The following TNXB variants were observed in gnomAD, a reference collection of about 807,000 sequenced individuals.
The protein encoded by TNXB is tenascin-X.
In TNXB, 183 loss-of-function variants were observed where a neutral mutation model predicts 340.5. The ratio of observed to expected loss-of-function variants is 0.54; its 90% CI spans 0.48 to 0.61. The LOEUF is 0.61. Ranked by LOEUF, TNXB falls within the 20% of genes least tolerant of loss-of-function variation. TNXB has a pLI of 0.00. For missense variants in TNXB, 4,613 were observed against 5,446.4 expected, an observed-to-expected ratio of 0.85 and a Z score of 4.82; for synonymous variants, 2,121 against 2,314.5, an observed-to-expected ratio of 0.92 and a Z score of 2.40.
Position 32,068,409 on chromosome 6 carries a change from C to T in TNXB, c.6201G>A (p.Val2067=), listed in dbSNP as rs1778528622. 3 of 1,613,718 alleles carry T rather than the reference C, an allele frequency of 1.9e-6. No homozygotes were observed. The highest frequency in any genetic ancestry group is 1.3e-5 in the African/African-American group (1 of 74,948). ...GFHGGQRMGP[V]SVVGVTAAEE... ...ACTCACCTGTCACCCCGACGACAGA[C>T]ACAGGGCCCATGCGCTGGCCACCGT... Residue 2067 remains valine (V), a synonymous_variant, in exon 17 of 44, where the codon GTG becomes GTA. Transcript: ENST00000644971. The surrounding 1 kb of genome is among the most constrained non-coding windows in gnomAD (Gnocchi z 5.3).
At chr6:32,076,696 A>G (rs1262210931) in intron 11 of TNXB, among the ~76,000 whole-genome samples, 3 of 152,188 alleles carry the variant, frequency 2.0e-5, no homozygotes, top group African/African-American at 4.8e-5. Flanking sequence ...AAGATCATAC[A>G]GCTGGCTGGG....
chr6:32,055,835 A>T lies in TNXB; in HGVS notation c.8467+16T>A. The T allele has an allele frequency of 6.3e-7, 1 of 1,597,164 alleles. No homozygotes were observed. The highest frequency in any genetic ancestry group is 8.6e-7 in the Non-Finnish European group (1 of 1,167,844). ...AACATCTTCTAGGGCCATCTTCCTCACTCACAAACACTCACCTGTCACACC... is the reference window on the plus strand; with the variant it reads ...AACATCTTCTAGGGCCATCTTCCTCTCTCACAAACACTCACCTGTCACACC... On this transcript the variant is annotated intron_variant, in intron 24 of 43. Transcript: ENST00000644971.
rs1779346805 is a variant in TNXB, at chr6:32,080,027, G to A, written c.4043-662C>T. Reference sequence around the variant, plus strand: ...CCCTTCTGTGACCTGCTACATGGGGGACTACTTTGGGATAGCAGATTGAGG... The same window carrying A: ...CCCTTCTGTGACCTGCTACATGGGGAACTACTTTGGGATAGCAGATTGAGG... On this transcript the variant is annotated intron_variant, in intron 10 of 43. Coordinates refer to ENST00000644971, the MANE Select transcript of TNXB (RefSeq NM_001365276.2). This position sits in a 1 kb window ranked among gnomAD's most constrained non-coding sequence, Gnocchi z 4.3. Among the ~76,000 whole-genome samples the A allele has an allele frequency of 6.6e-6, 1 of 152,300 alleles. No individual in the cohort carries two copies. The highest frequency in any genetic ancestry group is 2.1e-4 in the South Asian group (1 of 4,820).
rs1779383118 is a variant in TNXB at position 32,080,782 on chromosome 6, G to GAGGGAAAGGCTGGGGACATGT, written c.4042+585_4042+586insACATGTCCCCAGCCTTTCCCT. ...TGGACAGGGAAAGGCTGGGGACATG[G>GAGGGAAAGGCTGGGGACATGT]AGGAACAGGCTGGGATGCTGGGCTG... is the stretch of plus-strand genomic sequence containing the variant. On this transcript the variant is annotated intron_variant, in intron 10 of 43. Coordinates refer to ENST00000644971, the MANE Select transcript of TNXB (RefSeq NM_001365276.2). This position sits in a 1 kb window ranked among gnomAD's most constrained non-coding sequence, Gnocchi z 4.3. Among the ~76,000 whole-genome samples the GAGGGAAAGGCTGGGGACATGT allele has an allele frequency of 6.6e-6, 1 of 152,194 alleles. No homozygotes were observed. The highest frequency in any genetic ancestry group is 1.5e-5 in the Non-Finnish European group (1 of 68,038).
rs1031564088 is a variant in TNXB, at chr6:32,053,066, C to A, written c.8792-73G>T. On this transcript the variant is annotated intron_variant, in intron 25 of 43. Coordinates refer to ENST00000644971, the MANE Select transcript of TNXB (RefSeq NM_001365276.2). ...CCTTGGGTCTTGTGAGGAAGGAGAGCGAAGCTGTGGCCATGAGTGGGGGTC... is the reference window on the plus strand; with the variant it reads ...CCTTGGGTCTTGTGAGGAAGGAGAGAGAAGCTGTGGCCATGAGTGGGGGTC... 8 of 1,507,600 alleles carry A rather than the reference C, an allele frequency of 5.3e-6. No individual in the cohort carries two copies. In the South Asian group the frequency reaches 7.4e-5, roughly 14 times the overall value. The allele number at this position is 1,507,600 out of a possible 1,614,324, so 93.4% of individuals were successfully genotyped here.
intron 1 of TNXB, among the ~76,000 whole-genome samples, chr6:32,099,226 T>C (rs75316961): frequency 0.055 from 6,490 of 117,998 alleles, 218 homozygotes; most frequent in East Asian, 0.14. Context: ...CTTCTCCCTC[T>C]CTCTCTCACT....
Position 32,055,152 on chromosome 6 carries a change from C to T in TNXB, c.8467+699G>A, listed in dbSNP as rs116717571. 3.5e-3 allele frequency among the ~76,000 whole-genome samples: 535 copies of T among 152,262 alleles called. 1 individual carries two copies. Among genetic ancestry groups the T allele is most frequent in the South Asian group, 0.012 (58 of 4,818 alleles). On this transcript the variant is annotated intron_variant, in intron 24 of 43. Transcript: ENST00000644971. ...TAGGGTTATCCCTTCTTCCTGACAGCGTCTAATAAAGAGCAAAACCTTGCT... is the reference window on the plus strand; with the variant it reads ...TAGGGTTATCCCTTCTTCCTGACAGTGTCTAATAAAGAGCAAAACCTTGCT...
rs204877 is a variant in TNXB, at chr6:32,079,659, C to G, written c.4043-294G>C. On this transcript the variant is annotated intron_variant, in intron 10 of 43. Coordinates refer to ENST00000644971, the MANE Select transcript of TNXB (RefSeq NM_001365276.2). This position sits in a 1 kb window ranked among gnomAD's most constrained non-coding sequence, Gnocchi z 7.1. The stretch of plus-strand genomic sequence containing the variant: ...GTTCACTGACAGTGCTGACCTCAGA[C>G]AGTGAGGAGGGCAGTGAGGCCTCTT... Among the ~76,000 whole-genome samples, 23,121 of 152,174 alleles carry G rather than the reference C, an allele frequency of 0.15. 2,325 individuals are homozygous for G. The highest frequency in any genetic ancestry group is 0.3 in the South Asian group (1,430 of 4,822).
At position 32,077,075 on chromosome 6, in the gene TNXB, A is replaced by G. The variant is rs191209323; in HGVS notation, c.4375+1958T>C. On this transcript the variant is annotated intron_variant, in intron 11 of 43. Coordinates refer to ENST00000644971, the MANE Select transcript of TNXB (RefSeq NM_001365276.2). ...TCAGTTTGTCAGATTCCCAAACTCCATTTATCTCTACTGCACCGACTTGGT... is the reference window on the plus strand; with the variant it reads ...TCAGTTTGTCAGATTCCCAAACTCCGTTTATCTCTACTGCACCGACTTGGT... Among the ~76,000 whole-genome samples the G allele has an allele frequency of 3.3e-4, 51 of 152,280 alleles. 1 individual carries two copies. In the East Asian group the frequency reaches 8.7e-3, roughly 26 times the overall value.
In TNXB at chr6:32,081,458, CG is replaced by C; in HGVS notation, c.3951del (p.Gly1318AlafsTer10). On this transcript the variant is annotated frameshift_variant, in exon 10 of 44. Transcript: ENST00000644971. LOFTEE classifies it high-confidence loss of function. The surrounding 1 kb of genome is among the most constrained non-coding windows in gnomAD (Gnocchi z 5.1). ...TTATACTTCCGGTCGGGATCCAGGCCGGGGACAGTAACCTCATTCTCATCCC... is the reference window on the plus strand; with the variant it reads ...TTATACTTCCGGTCGGGATCCAGGCCGGGACAGTAACCTCATTCTCATCCC... ...VAGDENEVTV[P>X]GLDPDRKYKM... 2 of 1,591,700 alleles carry C rather than the reference CG, an allele frequency of 1.3e-6. No individual in the cohort carries two copies. Among genetic ancestry groups the C allele is most frequent in the South Asian group, 1.1e-5 (1 of 87,442 alleles).
chr6:32,049,627 C>A lies in TNXB; in HGVS notation c.9440-40G>T. 1 of 1,588,050 alleles carries A rather than the reference C, an allele frequency of 6.3e-7. No individual in the cohort carries two copies. Among genetic ancestry groups the A allele is most frequent in the South Asian group, 1.1e-5 (1 of 89,274 alleles). ...GAGGGAGAGAGAGTGAGGGGGATGT[C>A]CTTGGGTCCTGGGGAAAAGGAGGGA... On this transcript the variant is annotated intron_variant, in intron 27 of 43. Coordinates refer to ENST00000644971, the MANE Select transcript of TNXB (RefSeq NM_001365276.2). The surrounding 1 kb of genome is among the most constrained non-coding windows in gnomAD (Gnocchi z 4.5).
chr6:32,053,270 C>A (rs1777406651), intron 25 of TNXB, 118 bp downstream of exon 25: 1 of 1,468,590 alleles, frequency 6.8e-7, no homozygotes, highest in South Asian at 1.3e-5. Flanking sequence ...TGGGGAAAGA[C>A]AAAAAAGTAC....
At chr6:32,077,192 A>C (rs1172132112) in intron 11 of TNXB, among the ~76,000 whole-genome samples, 2 of 152,098 alleles carry the variant, frequency 1.3e-5, no homozygotes, top group Non-Finnish European at 2.9e-5. Context: ...CGGCAGAGGG[A>C]GGGTCACTCC....
At chr6:32,066,678 TG>T (rs1029354267) in intron 18 of TNXB, among the ~76,000 whole-genome samples, 2 of 152,230 alleles carry the variant, frequency 1.3e-5, no homozygotes, top group African/African-American at 4.8e-5. Flanking sequence ...ATCGTGGTGA[TG>T]GCTGCACAAG....
In TNXB at chr6:32,079,297, C is replaced by T. The variant is rs760334908; in HGVS notation, c.4111G>A (p.Glu1371Lys). ...GTCAGCTCCCCCAGGAGCGGCTCCT[C>T]GGGGGACTCCGGGGCCTCCGTGCCC... is the stretch of plus-strand genomic sequence containing the variant. Reference protein sequence around the residue: ...ELGTEAPESPEEPLLGELTVT... With the variant: ...ELGTEAPESPKEPLLGELTVT... Residue 1371 changes from glutamate (E) to lysine (K), a missense_variant, in exon 11 of 44, where the codon GAG (glutamate) becomes AAG (lysine). Around this residue, in one of 7 missense-constraint regions of TNXB, gnomAD observed 4,327 missense variants for 4,859.4 expected, o/e 0.89. Coordinates refer to ENST00000644971, the MANE Select transcript of TNXB (RefSeq NM_001365276.2). The surrounding 1 kb of genome is among the most constrained non-coding windows in gnomAD (Gnocchi z 7.1). 9.7e-5 allele frequency: 157 copies of T among 1,612,724 alleles called. No homozygotes were observed. Among genetic ancestry groups the T allele is most frequent in the Non-Finnish European group, 1.2e-4 (146 of 1,179,786 alleles).
chr6:32,096,391 T>G lies in TNXB; in HGVS notation c.1462A>C (p.Thr488Pro). ...SGRCMCWPGY[T>P]GRDCGTRACP... Reference sequence around the variant, plus strand: ...GCGCGCGTGCCGCAGTCCCGGCCTGTGTACCCCGGCCAACACATGCAGCGG... The same window carrying G: ...GCGCGCGTGCCGCAGTCCCGGCCTGGGTACCCCGGCCAACACATGCAGCGG... Residue 488 changes from threonine (T) to proline (P), a missense_variant, in exon 3 of 44, where the codon ACA becomes CCA. Thr to Pro is a conservative substitution (Grantham distance 38). This residue lies in a region of TNXB where 4,327 missense variants were observed against 4,859.4 expected (regional missense o/e 0.89). Transcript: ENST00000644971. 1.3e-6 allele frequency: 2 copies of G among 1,572,420 alleles called. No homozygotes were observed. The highest frequency in any genetic ancestry group is 1.7e-6 in the Non-Finnish European group (2 of 1,166,996).
intron 1 of TNXB, among the ~76,000 whole-genome samples, chr6:32,105,474 T>C (rs1293189823): frequency 6.6e-6 from 1 of 152,238 alleles, no homozygotes; most frequent in African/African-American, 2.4e-5. Context: ...AGGGCAGGCA[T>C]GGCACCTATT....
At position 32,043,764 on chromosome 6, in the gene TNXB, C is replaced by T. The variant is rs561108689; in HGVS notation, c.11515G>A (p.Gly3839Ser). 5.0e-6 allele frequency: 8 copies of T among 1,613,394 alleles called. No individual in the cohort carries two copies. The South Asian group carries it at 8.8e-5, about 18-fold the overall frequency. Reference sequence around the variant, plus strand: ...TCCATCTCACCCGTGGTGAGGAAGCCTGTGAGAGGCTCACTCTCCTCAAAG... The same window carrying T: ...TCCATCTCACCCGTGGTGAGGAAGCTTGTGAGAGGCTCACTCTCCTCAAAG... Reference protein sequence around the residue: ...RGFEESEPLTGFLTTVPDGPT... With the variant: ...RGFEESEPLTSFLTTVPDGPT... Residue 3839 changes from glycine to serine, a missense_variant, in exon 35 of 44, where the codon GGC (glycine) becomes AGC (serine). Gly to Ser is a moderately conservative substitution (Grantham distance 56, BLOSUM62 0). Transcript: ENST00000644971.
At position 32,056,720 on chromosome 6, in the gene TNXB, T is replaced by C. The variant is rs1777675729; in HGVS notation, c.8009A>G (p.Lys2670Arg). Residue 2670 changes from lysine (K) to arginine (R), a missense_variant, in exon 23 of 44, where the codon AAG becomes AGG. Lys to Arg is a conservative substitution (Grantham distance 26). Coordinates refer to ENST00000644971, the MANE Select transcript of TNXB (RefSeq NM_001365276.2). ...VQYRNGDGQP[K>R]AVRVPGHEDG... The stretch of plus-strand genomic sequence containing the variant: ...CTCGTGCCCCGGCACCCGCACCGCC[T>C]TGGGCTGCCCATCCCCATTCCTGTA... The C allele has an allele frequency of 6.2e-7, 1 of 1,613,140 alleles. No individual in the cohort carries two copies. The highest frequency in any genetic ancestry group is 1.3e-5 in the African/African-American group (1 of 74,934).
Sources: gnomAD v4.1 joint callset for allele counts (sites outside exome capture counted in the v4.1 genomes callset) on GRCh38, gnomAD v4.1.1 for gene constraint, gnomAD v4.1.1 regional missense constraint, Gnocchi (gnomAD v3.1) non-coding constraint, MANE v1.5 for transcripts, NCBI Gene and HGNC (gene_info 2026-07-23, HGNC 2026-07-21) for gene names.